The following NUBPL variants were observed in gnomAD, a reference collection of about 807,000 sequenced individuals.
NUBPL encodes the protein NUBP iron-sulfur cluster assembly factor, mitochondrial.
NUBPL carries 31 observed loss-of-function variants against 45.7 expected under a neutral mutation model. The ratio of observed to expected loss-of-function variants is 0.68; its 90% CI spans 0.51 to 0.92. The LOEUF is 0.92. Among genes scored for constraint, NUBPL ranks in the 40% least tolerant of loss-of-function variants. The pLI is 0.00. For synonymous variants in NUBPL, 144 were observed against 140.9 expected, an observed-to-expected ratio of 1.02 and a Z score of -0.15; for missense variants, 401 against 398.7, an observed-to-expected ratio of 1.01 and a Z score of -0.05.
rs1426564417 is a variant in NUBPL, at chr14:31,860,416, A to C, written c.*1236A>C. ...CCCTCCTTTTTCAGAGCATTTCATG[A>C]AGTTCACATTTCAAATAATACATTT... On this transcript the variant is annotated 3_prime_UTR_variant, in exon 11 of 11. Coordinates refer to ENST00000281081, the MANE Select transcript of NUBPL (RefSeq NM_025152.3). The C allele has an allele frequency of 6.6e-6, 1 of 151,952 alleles. No homozygotes were observed. The highest frequency in any genetic ancestry group is 2.4e-5 in the African/African-American group (1 of 41,380). 9.4% of individuals were successfully genotyped at this position (151,952 alleles called of 1,614,324 possible).
rs17390315 is a variant in NUBPL at position 31,590,817 on chromosome 14, G to T, written c.292-8472G>T. On this transcript the variant is annotated intron_variant, in intron 3 of 10. Transcript: ENST00000281081. ...TAAGCACTACATGGTGGTAGAAGGCGTTCTAATTTTCTCTGTATTTGAAGA... is the reference window on the plus strand; with the variant it reads ...TAAGCACTACATGGTGGTAGAAGGCTTTCTAATTTTCTCTGTATTTGAAGA... Among the ~76,000 whole-genome samples the T allele has an allele frequency of 6.6e-3, 997 of 151,958 alleles. 10 individuals are homozygous for T. The highest frequency in any genetic ancestry group is 0.022 in the African/African-American group (916 of 41,462).
At chr14:31,718,832 C>T (rs947825666) in intron 6 of NUBPL, among the ~76,000 whole-genome samples, 2 of 152,140 alleles carry the variant, frequency 1.3e-5, no homozygotes, top group Admixed American at 6.6e-5. Context: ...TTCTTCAGCA[C>T]GTAGTGTCTG....
intron 3 of NUBPL, among the ~76,000 whole-genome samples, chr14:31,566,200 A>G (rs984504039): frequency 6.6e-6 from 1 of 152,142 alleles, no homozygotes; most frequent in African/African-American, 2.4e-5. Context: ...TAAGTATGTT[A>G]TCAGTATATG....
chr14:31,629,948 G>C (rs2035299742), intron 4 of NUBPL, among the ~76,000 whole-genome samples: 2 of 152,124 alleles, frequency 1.3e-5, no homozygotes, highest in Admixed American at 6.5e-5. Context: ...GAAAGATCTT[G>C]GGCTTTGGAG....
At chr14:31,759,270 A>G (rs1354589470) in intron 6 of NUBPL, among the ~76,000 whole-genome samples, 1 of 152,038 alleles carries the variant, frequency 6.6e-6, no homozygotes, top group African/African-American at 2.4e-5. Flanking sequence ...AAACACTATG[A>G]GATTATAGGG....
intron 3 of NUBPL, among the ~76,000 whole-genome samples, chr14:31,567,643 TG>T (rs1467700398): frequency 1.3e-5 from 2 of 152,264 alleles, no homozygotes; most frequent in Non-Finnish European, 2.9e-5. Context: ...TTCCACTTGC[TG>T]TTCCAAAAAA....
chr14:31,569,501 T>C (rs1294521819), intron 3 of NUBPL, among the ~76,000 whole-genome samples: 3 of 152,174 alleles, frequency 2.0e-5, no homozygotes, highest in Admixed American at 2.0e-4. Context: ...CTGGCCTGCA[T>C]TGAGGTTTTA....
intron 6 of NUBPL, among the ~76,000 whole-genome samples, chr14:31,704,953 T>C (rs2037415456): frequency 6.6e-6 from 1 of 152,018 alleles, no homozygotes; most frequent in Non-Finnish European, 1.5e-5. Context: ...GTGTCCGGAG[T>C]TTCTTCCTTC....
intron 6 of NUBPL, among the ~76,000 whole-genome samples, chr14:31,678,266 C>T (rs1414385406): frequency 6.6e-6 from 1 of 152,200 alleles, no homozygotes; most frequent in Non-Finnish European, 1.5e-5. Flanking sequence ...ACCTAGGACC[C>T]CACATGGTGC....
intron 6 of NUBPL, among the ~76,000 whole-genome samples, chr14:31,698,386 T>C (rs1224408195): frequency 6.6e-6 from 1 of 151,992 alleles, no homozygotes; most frequent in East Asian, 1.9e-4. Flanking sequence ...TGAAAGACTA[T>C]TTTAAACTGA....
At chr14:31,770,620 C>T (rs2038992444) in intron 6 of NUBPL, among the ~76,000 whole-genome samples, 2 of 152,194 alleles carry the variant, frequency 1.3e-5, no homozygotes, top group Admixed American at 6.5e-5. Context: ...CTGAATTCTA[C>T]CCCTTTCATA....
At chr14:31,786,772 G>T (rs2039292604) in intron 6 of NUBPL, among the ~76,000 whole-genome samples, 1 of 152,202 alleles carries the variant, frequency 6.6e-6, no homozygotes, top group Non-Finnish European at 1.5e-5. Context: ...TCTGAAGAAT[G>T]AGGAGAAATT....
chr14:31,820,824 C>CAA (rs1313607475), intron 7 of NUBPL, among the ~76,000 whole-genome samples: 2 of 89,698 alleles, frequency 2.2e-5, no homozygotes, highest in East Asian at 6.8e-4. Flanking sequence ...GACTCCGTCT[C>CAA]AAAAAAAAAA....
At chr14:31,616,511 C>G (rs1039102097) in intron 4 of NUBPL, among the ~76,000 whole-genome samples, 2 of 151,128 alleles carry the variant, frequency 1.3e-5, no homozygotes, top group Non-Finnish European at 3.0e-5. Context: ...TTTTTTAACA[C>G]TGTTTATTAA....
chr14:31,649,945 C>T (rs375650276), intron 4 of NUBPL, among the ~76,000 whole-genome samples: 27 of 152,198 alleles, frequency 1.8e-4, no homozygotes, highest in African/African-American at 4.1e-4. Context: ...CTGCAACCTC[C>T]GCCTCTCAGG....
At chr14:31,671,680 GT>G (rs979483493) in intron 4 of NUBPL, among the ~76,000 whole-genome samples, 4 of 152,180 alleles carry the variant, frequency 2.6e-5, no homozygotes, top group Admixed American at 2.0e-4. Context: ...TTCAAATTAG[GT>G]ATGGGGAGAT....
At chr14:31,782,616 C>T (rs1467467921) in intron 6 of NUBPL, among the ~76,000 whole-genome samples, 14 of 151,986 alleles carry the variant, frequency 9.2e-5, no homozygotes, top group Admixed American at 9.2e-4. Context: ...CATGGTGAAA[C>T]CCTGTCTCTA....
intron 4 of NUBPL, among the ~76,000 whole-genome samples, chr14:31,634,283 C>T (rs140445708): frequency 0.034 from 4,454 of 132,882 alleles, 167 homozygotes; most frequent in African/African-American, 0.095. Context: ...CTTCCCCTTC[C>T]TGTGTCCATG....
intron 4 of NUBPL, among the ~76,000 whole-genome samples, chr14:31,630,844 C>T (rs1201276185): frequency 2.0e-5 from 3 of 152,174 alleles, no homozygotes; most frequent in African/African-American, 7.2e-5. Flanking sequence ...GGGAATTATA[C>T]AGCTTGTATC....
Sources: allele counts gnomAD v4.1 joint callset (sites outside exome capture counted in the v4.1 genomes callset), GRCh38; gene constraint gnomAD v4.1.1; transcripts MANE v1.5; gene names NCBI Gene and HGNC (gene_info 2026-07-23, HGNC 2026-07-21).